SLC5A7: variants seen among roughly 807,000 people sequenced by gnomAD.
The protein encoded by SLC5A7 is solute carrier family 5 member 7.
In SLC5A7, 19 loss-of-function variants were observed where a neutral mutation model predicts 55.4. The observed-to-expected ratio is 0.34, with a 90% CI of 0.24 to 0.50. The LOEUF is 0.50. Ranked by LOEUF, SLC5A7 falls within the 20% of genes least tolerant of loss-of-function variation. The pLI is 0.98. For missense variants in SLC5A7, 506 were observed against 705.3 expected (o/e 0.72, Z 3.20); for synonymous variants, 265 against 263.7 (o/e 1.00, Z -0.05).
At position 107,993,084 on chromosome 2, in the gene SLC5A7, G is replaced by T; in HGVS notation, c.405G>T (p.Leu135=). 1 of 1,614,224 alleles carries T rather than the reference G, an allele frequency of 6.2e-7. No homozygotes were observed. Among genetic ancestry groups the T allele is most frequent in the East Asian group, 2.2e-5 (1 of 44,876 alleles). The change falls in exon 4 of 9, where the codon CTG becomes CTT. Residue 135 remains leucine (L), a synonymous_variant. Coordinates refer to ENST00000264047, the MANE Select transcript of SLC5A7 (RefSeq NM_021815.5). ...GCGGACTCCTGTTTATTCCTGCACT[G>T]ATGGGAGAAATGTTCTGGGCTGCAG... ...RMGGLLFIPA[L]MGEMFWAAAI... is the part of the protein sequence containing the mutation.
At chr2:108,009,879 A>T (rs752941820) in intron 8 of SLC5A7, among the ~76,000 whole-genome samples, 1 of 152,214 alleles carries the variant, frequency 6.6e-6, no homozygotes, top group Non-Finnish European at 1.5e-5. Flanking sequence ...TCAATGCCAC[A>T]TAAGAACTGT....
intron 6 of SLC5A7, among the ~76,000 whole-genome samples, chr2:108,005,275 T>G (rs972943738): frequency 1.3e-5 from 2 of 152,202 alleles, no homozygotes; most frequent in Non-Finnish European, 2.9e-5. Flanking sequence ...CTTATTCATG[T>G]TTTTGCTCTT....
rs201501659 is a variant in SLC5A7, at chr2:107,988,341, C to T, written c.178+8C>T. The T allele has an allele frequency of 1.2e-6, 2 of 1,604,278 alleles. No homozygotes were observed. Among genetic ancestry groups the T allele is most frequent in the Non-Finnish European group, 1.7e-6 (2 of 1,172,442 alleles). Reference sequence around the variant, plus strand: ...GTGGATTTACCATGACAGGTACGTTCAGACGCCGCCGGCTCCATGCAGTCC... The same window carrying T: ...GTGGATTTACCATGACAGGTACGTTTAGACGCCGCCGGCTCCATGCAGTCC... On this transcript the variant is annotated splice_region_variant and intron_variant, in intron 2 of 8. Coordinates refer to ENST00000264047, the MANE Select transcript of SLC5A7 (RefSeq NM_021815.5).
chr2:108,005,713 C>A (rs1656696206), intron 6 of SLC5A7, among the ~76,000 whole-genome samples: 1 of 152,126 alleles, frequency 6.6e-6, no homozygotes, highest in African/African-American at 2.4e-5. Context: ...TAGAAGGCAC[C>A]TTCTTGCTGC....
At position 107,989,866 on chromosome 2, in the gene SLC5A7, G is replaced by A. The variant is rs1677381954; in HGVS notation, c.178+1533G>A. 2.0e-5 allele frequency among the ~76,000 whole-genome samples: 3 copies of A among 151,904 alleles called. No homozygotes were observed. In the South Asian group the frequency reaches 6.2e-4, roughly 32 times the overall value. ...TCATAAAAATAATATTTTATATTTT[G>A]TTTTTACCATTTAGAATGGTTTTTT... On this transcript the variant is annotated intron_variant, in intron 2 of 8. Transcript: ENST00000264047.
chr2:107,993,343 G>C (rs2104343505), intron 4 of SLC5A7, among the ~76,000 whole-genome samples: 1 of 152,264 alleles, frequency 6.6e-6, no homozygotes, highest in Middle Eastern at 3.4e-3. Context: ...TTCCATACTT[G>C]AATTGCCTCA....
chr2:108,008,760 A>C, intron 8 of SLC5A7, 78 bp downstream of exon 8: 1 of 974,862 alleles, frequency 1.0e-6, no homozygotes, highest in Non-Finnish European at 1.5e-6. Context: ...TTGTATATAC[A>C]GTATTATATA....
Position 108,003,652 on chromosome 2 carries a change from G to C in SLC5A7, c.741+1612G>C, listed in dbSNP as rs188177320. Among the ~76,000 whole-genome samples, 14 of 152,204 alleles carry C rather than the reference G, an allele frequency of 9.2e-5. No individual in the cohort carries two copies. The East Asian group carries it at 2.7e-3, about 29-fold the overall frequency. ...TGGTCACACTTGGAACCTTCCCACT[G>C]TACCCATGTTTGCTCTCTATTAGGT... On this transcript the variant is annotated intron_variant, in intron 6 of 8. Coordinates refer to ENST00000264047, the MANE Select transcript of SLC5A7 (RefSeq NM_021815.5).
rs1678352452 is a variant in SLC5A7 at position 108,012,142 on chromosome 2, G to A, written c.*1281G>A. 2 of 152,204 alleles carry A rather than the reference G, an allele frequency of 1.3e-5. No individual in the cohort carries two copies. The highest frequency in any genetic ancestry group is 2.9e-5 in the Non-Finnish European group (2 of 67,948). 9.4% of individuals were successfully genotyped at this position (152,204 alleles called of 1,614,324 possible). A position where few individuals can be genotyped will look rare whatever the true frequency, so the allele number is the denominator to read the frequency against. ...TAAATACTATTTTGCTCCTTTTCTG[G>A]TGTTACACATACACACTCATACGTG... On this transcript the variant is annotated 3_prime_UTR_variant, in exon 9 of 9. Transcript: ENST00000264047.
chr2:108,009,786 C>A (rs1057099588), intron 8 of SLC5A7, among the ~76,000 whole-genome samples: 3 of 152,116 alleles, frequency 2.0e-5, no homozygotes, highest in African/African-American at 7.2e-5. Context: ...GTGCATGTGT[C>A]TTTTCAAGAG....
intron 6 of SLC5A7, among the ~76,000 whole-genome samples, chr2:108,004,428 T>G (rs1268549701): frequency 6.6e-6 from 1 of 152,188 alleles, no homozygotes; most frequent in African/African-American, 2.4e-5. Context: ...TGTTATGGTA[T>G]CTATGTTACA....
intron 2 of SLC5A7, among the ~76,000 whole-genome samples, chr2:107,989,664 G>A (rs1677375057): frequency 2.0e-5 from 3 of 152,108 alleles, no homozygotes; most frequent in South Asian, 4.1e-4. Flanking sequence ...GCTGGTGACC[G>A]CCCCATGCTG....
chr2:108,006,609 C>T (rs1272449868), intron 7 of SLC5A7, among the ~76,000 whole-genome samples: 1 of 152,120 alleles, frequency 6.6e-6, no homozygotes, highest in African/African-American at 2.4e-5. Flanking sequence ...TGTTTATATG[C>T]ACTCCTGTCA....
At position 107,998,011 on chromosome 2, in the gene SLC5A7, C is replaced by T. The variant is rs758133414; in HGVS notation, c.597+25C>T. 31 of 1,593,412 alleles carry T rather than the reference C, an allele frequency of 1.9e-5. No individual in the cohort carries two copies. The Middle Eastern group carries it at 6.7e-4, about 35-fold the overall frequency. On this transcript the variant is annotated intron_variant, in intron 5 of 8. Coordinates refer to ENST00000264047, the MANE Select transcript of SLC5A7 (RefSeq NM_021815.5). ...GGTAAGTGGGAGCACCCAAGATTCT[C>T]CTCCTTTTTTTCTGTAAAAGGTAAT... is the stretch of plus-strand genomic sequence containing the variant.
At chr2:107,996,415 C>G (rs566156048) in intron 4 of SLC5A7, among the ~76,000 whole-genome samples, 1 of 152,030 alleles carries the variant, frequency 6.6e-6, no homozygotes, top group Admixed American at 6.6e-5. Context: ...AAAAATATTT[C>G]TTACTGATAT....
chr2:108,006,086 G>C lies in SLC5A7; in HGVS notation c.779G>C (p.Arg260Thr). 6.2e-7 allele frequency: 1 copy of C among 1,614,130 alleles called. No individual in the cohort carries two copies. The highest frequency in any genetic ancestry group is 1.1e-5 in the South Asian group (1 of 91,076). ...ATCCCATGGCAAGCATACTTTCAGAGGGTTCTCTCTTCTTCCTCAGCCACC... is the reference window on the plus strand; with the variant it reads ...ATCCCATGGCAAGCATACTTTCAGACGGTTCTCTCTTCTTCCTCAGCCACC... The part of the protein sequence containing the change: ...GGIPWQAYFQ[R>T]VLSSSSATYA... Residue 260 changes from arginine (R) to threonine (T), a missense_variant, in exon 7 of 9, where the codon AGG becomes ACG. Arg to Thr is a moderately conservative substitution (Grantham distance 71). This residue lies in a region of SLC5A7 where 309 missense variants were observed against 478.6 expected (regional missense o/e 0.65). Coordinates refer to ENST00000264047, the MANE Select transcript of SLC5A7 (RefSeq NM_021815.5).
chr2:108,005,140 G>A (rs541036400), intron 6 of SLC5A7, among the ~76,000 whole-genome samples: 1 of 152,252 alleles, frequency 6.6e-6, no homozygotes, highest in South Asian at 2.1e-4. Flanking sequence ...AATATACATA[G>A]AAGTTCTAGT....
In SLC5A7 at chr2:108,010,687, A is replaced by T. The variant is rs138438199; in HGVS notation, c.1569A>T (p.Glu523Asp). The part of the protein sequence containing the change: ...VFDAVVARHS[E>D]ENMDKTILVK... ...ATGCTGTTGTTGCAAGACACAGTGAAGAAAACATGGATAAGACAATTCTTG... is the reference window on the plus strand; with the variant it reads ...ATGCTGTTGTTGCAAGACACAGTGATGAAAACATGGATAAGACAATTCTTG... Residue 523 changes from glutamate to aspartate, a missense_variant, in exon 9 of 9, where the codon GAA (glutamate) becomes GAT (aspartate). Coordinates refer to ENST00000264047, the MANE Select transcript of SLC5A7 (RefSeq NM_021815.5). 2 of 1,613,918 alleles carry T rather than the reference A, an allele frequency of 1.2e-6. No homozygotes were observed. Among genetic ancestry groups the T allele is most frequent in the East Asian group, 2.2e-5 (1 of 44,866 alleles).
At position 108,006,048 on chromosome 2, in the gene SLC5A7, G is replaced by A. The variant is rs542339168; in HGVS notation, c.742-1G>A. 6.2e-7 allele frequency: 1 copy of A among 1,613,976 alleles called. No homozygotes were observed. The highest frequency in any genetic ancestry group is 1.3e-5 in the African/African-American group (1 of 75,036). The stretch of plus-strand genomic sequence containing the variant: ...TCTCCATCCTTGTGTTTCCCGCACA[G>A]ATGCTGGGTGGAATCCCATGGCAAG... On this transcript the variant is annotated splice_acceptor_variant, in intron 6 of 8. Coordinates refer to ENST00000264047, the MANE Select transcript of SLC5A7 (RefSeq NM_021815.5). LOFTEE classifies it high-confidence loss of function.
Sources: gnomAD v4.1 joint callset for allele counts (sites outside exome capture counted in the v4.1 genomes callset) on GRCh38, gnomAD v4.1.1 for gene constraint, gnomAD v4.1.1 regional missense constraint, MANE v1.5 for transcripts, NCBI Gene and HGNC (gene_info 2026-07-23, HGNC 2026-07-21) for gene names.